Variants in CSMD1 observed in about 807,000 individuals in gnomAD.
CSMD1 encodes the protein CUB and Sushi multiple domains 1.
CSMD1 carries 213 observed loss-of-function variants against 417.5 expected under a neutral mutation model. The ratio of observed to expected loss-of-function variants is 0.51; its 90% CI spans 0.46 to 0.57. The LOEUF is 0.57. Ranked by LOEUF, CSMD1 falls within the 20% of genes least tolerant of loss-of-function variation. The pLI is 0.00. For missense variants in CSMD1, 6,923 were observed against 4,529.7 expected (o/e 1.53, Z -15.17); for synonymous variants, 2,862 against 1,736.8 (o/e 1.65, Z -16.11).
chr8:4,553,429 C>T (rs760132894), intron 2 of CSMD1, among the ~76,000 whole-genome samples: 34 of 148,320 alleles, frequency 2.3e-4, no homozygotes, highest in South Asian at 4.4e-4. Context: ...CATTTATAAA[C>T]TGAAAAAGAA....
At chr8:4,384,387 A>G (rs1425182791) in intron 3 of CSMD1, among the ~76,000 whole-genome samples, 1 of 152,220 alleles carries the variant, frequency 6.6e-6, no homozygotes, top group Non-Finnish European at 1.5e-5. Context: ...GCTACAAAAT[A>G]TTAAATACTT....
chr8:4,829,223 T>C (rs1414896898), intron 1 of CSMD1, among the ~76,000 whole-genome samples: 2 of 152,178 alleles, frequency 1.3e-5, no homozygotes, highest in Non-Finnish European at 2.9e-5. Flanking sequence ...GTTGTTTAGA[T>C]GAGAATTTTA....
chr8:4,364,940 C>G (rs1265828977), intron 3 of CSMD1, among the ~76,000 whole-genome samples: 1 of 150,066 alleles, frequency 6.7e-6, no homozygotes, highest in Non-Finnish European at 1.5e-5. Flanking sequence ...ATCAAAGCAC[C>G]CGACAAAAAC....
chr8:4,209,626 G>A (rs1039894091), intron 3 of CSMD1, among the ~76,000 whole-genome samples: 6 of 152,078 alleles, frequency 3.9e-5, no homozygotes, highest in South Asian at 4.2e-4. Flanking sequence ...ACAAGCCCCC[G>A]AATTGGGGCT....
At chr8:4,104,753 C>T (rs1585321715) in intron 3 of CSMD1, among the ~76,000 whole-genome samples, 1 of 152,188 alleles carries the variant, frequency 6.6e-6, no homozygotes. Flanking sequence ...GGGAAAAGCA[C>T]AATCCGGCTT....
intron 7 of CSMD1, among the ~76,000 whole-genome samples, chr8:3,622,063 T>C (rs546826042): frequency 4.6e-5 from 7 of 152,126 alleles, no homozygotes; most frequent in African/African-American, 1.7e-4. Flanking sequence ...CTACTACTTT[T>C]CTCTTCAAGC....
Position 3,408,079 on chromosome 8 carries a change from C to A in CSMD1, c.1891G>T (p.Val631Phe), listed in dbSNP as rs1381241339. 6.2e-7 allele frequency: 1 copy of A among 1,613,870 alleles called. No homozygotes were observed. Among genetic ancestry groups the A allele is most frequent in the Non-Finnish European group, 8.5e-7 (1 of 1,179,866 alleles). ...RIHLIFNDFD[V>F]EPQFDFLAVK... Reference sequence around the variant, plus strand: ...GCGAGAAAGTCAAACTGAGGCTCAACATCAAAATCATTAAAGATTAGGTGA... The same window carrying A: ...GCGAGAAAGTCAAACTGAGGCTCAAAATCAAAATCATTAAAGATTAGGTGA... Residue 631 changes from valine to phenylalanine, a missense_variant, in exon 14 of 70, where the codon GTT (valine) becomes TTT (phenylalanine). Transcript: ENST00000635120.
Position 3,118,499 on chromosome 8 carries a change from A to C in CSMD1, c.6330T>G (p.Ser2110=). 3 of 1,613,938 alleles carry C rather than the reference A, an allele frequency of 1.9e-6. No homozygotes were observed. The highest frequency in any genetic ancestry group is 2.5e-6 in the Non-Finnish European group (3 of 1,179,850). ...NSDYSVGQSV[S]FECYPGYILI... ...GAATGTACCCAGGATAACACTCGAAAGATACTGATTGCCCCACGCTGTAAT... is the reference window on the plus strand; with the variant it reads ...GAATGTACCCAGGATAACACTCGAACGATACTGATTGCCCCACGCTGTAAT... Residue 2110 remains serine, a synonymous_variant, in exon 42 of 70, where the codon TCT becomes TCG. Coordinates refer to ENST00000635120, the MANE Select transcript of CSMD1 (RefSeq NM_033225.6).
At chr8:3,155,358 G>GTTTTTTTTTTTTTTTTTT (rs763097673) in intron 39 of CSMD1, among the ~76,000 whole-genome samples, 24 of 48,076 alleles carry the variant, frequency 5.0e-4, no homozygotes, top group Non-Finnish European at 8.0e-4. Context: ...TCAAGGCTGG[G>GTTTTTTTTTTTTTTTTTT]ATTTTTTTTT....
intron 1 of CSMD1, among the ~76,000 whole-genome samples, chr8:4,891,531 T>C (rs1804122003): frequency 6.6e-6 from 1 of 152,120 alleles, no homozygotes; most frequent in South Asian, 2.1e-4. Flanking sequence ...TAAAAATATT[T>C]TTATAGGGAG....
chr8:4,102,491 G>C (rs1801356727), intron 3 of CSMD1, among the ~76,000 whole-genome samples: 1 of 152,162 alleles, frequency 6.6e-6, no homozygotes, highest in Non-Finnish European at 1.5e-5. Context: ...CACTTGAGGG[G>C]CAGAATTCTT....
chr8:3,123,707 C>G (rs907278136), intron 41 of CSMD1, among the ~76,000 whole-genome samples: 6 of 152,086 alleles, frequency 3.9e-5, no homozygotes, highest in African/African-American at 7.2e-5. Context: ...AGATTTCATC[C>G]ACGAATTAGC....
chr8:3,564,272 T>C (rs1222598814), intron 10 of CSMD1, among the ~76,000 whole-genome samples: 2 of 152,102 alleles, frequency 1.3e-5, no homozygotes, highest in Admixed American at 6.6e-5. Flanking sequence ...CAACTTTTAT[T>C]AAGAAAAAAA....
intron 2 of CSMD1, among the ~76,000 whole-genome samples, chr8:4,472,505 G>C (rs62479675): frequency 0.014 from 2,059 of 152,004 alleles, 20 homozygotes; most frequent in South Asian, 0.028. Context: ...TTTATGCTTT[G>C]TAAAAAATAA....
chr8:4,943,121 T>G (rs751344240), intron 1 of CSMD1, among the ~76,000 whole-genome samples: 4 of 152,170 alleles, frequency 2.6e-5, no homozygotes, highest in Non-Finnish European at 5.9e-5. Flanking sequence ...TTGAAGGAAT[T>G]AGTGGAGGAT....
At chr8:3,011,016 G>A (rs1435803024) in intron 52 of CSMD1, among the ~76,000 whole-genome samples, 6 of 152,090 alleles carry the variant, frequency 3.9e-5, no homozygotes, top group Non-Finnish European at 2.9e-5. Flanking sequence ...GTGAGCCACC[G>A]CGCCCTGCCT....
At chr8:3,148,366 G>C (rs984084587) in intron 40 of CSMD1, among the ~76,000 whole-genome samples, 11 of 152,194 alleles carry the variant, frequency 7.2e-5, no homozygotes, top group Non-Finnish European at 1.3e-4. Flanking sequence ...AGAAGAGCTT[G>C]CTGACAAGAA....
intron 1 of CSMD1, among the ~76,000 whole-genome samples, chr8:4,851,121 C>T (rs1801452287): frequency 7.7e-6 from 1 of 129,248 alleles, no homozygotes; most frequent in Admixed American, 9.0e-5. Flanking sequence ...CACAACAGTC[C>T]CCGGAGTGTG....
rs779343512 is a variant in CSMD1 at position 3,018,508 on chromosome 8, C to A, written c.7998G>T (p.Gly2666=). 1 of 1,613,508 alleles carries A rather than the reference C, an allele frequency of 6.2e-7. No individual in the cohort carries two copies. The highest frequency in any genetic ancestry group is 8.5e-7 in the Non-Finnish European group (1 of 1,179,706). ...ATCGAGTTTCGCTGCCGCTCCAGAG[C>A]CCATTTGCCAAGCACTCTCTGACAT... The part of the protein sequence containing the change: ...GSHVRECLAN[G]LWSGSETRCL... The change falls in exon 52 of 70, where the codon GGG becomes GGT. Residue 2666 remains glycine, a synonymous_variant. Transcript: ENST00000635120.
Sources: allele counts gnomAD v4.1 joint callset (sites outside exome capture counted in the v4.1 genomes callset), GRCh38; gene constraint gnomAD v4.1.1; transcripts MANE v1.5; gene names NCBI Gene and HGNC (gene_info 2026-07-23, HGNC 2026-07-21).